SYNDIG1: variants seen among roughly 807,000 people sequenced by gnomAD.
SYNDIG1 encodes the protein synapse differentiation inducing 1.
SYNDIG1 carries 9 observed loss-of-function variants against 19.4 expected under a neutral mutation model. The ratio of observed to expected loss-of-function variants is 0.46; its 90% CI spans 0.28 to 0.81. The LOEUF (loss-of-function observed/expected upper bound fraction) is 0.81, where lower values mean the gene tolerates loss of function less well. Among genes scored for constraint, SYNDIG1 ranks in the 30% least tolerant of loss-of-function variants. The probability of loss-of-function intolerance (pLI) is 0.12; values close to 1 mark genes in which losing one functional copy is unlikely to be tolerated. For missense variants in SYNDIG1, 311 were observed against 343.3 expected, an observed-to-expected ratio of 0.91 and a Z score of 0.74; for synonymous variants, 141 against 145.9, an observed-to-expected ratio of 0.97 and a Z score of 0.24.
chr20:24,555,449 T>C (rs2057794667), intron 2 of SYNDIG1, among the ~76,000 whole-genome samples: 1 of 152,228 alleles, frequency 6.6e-6, no homozygotes, highest in Admixed American at 6.5e-5. Flanking sequence ...TTTAATGCTA[T>C]AAATTTCCCT....
chr20:24,633,883 C>A (rs1180157026), intron 3 of SYNDIG1, among the ~76,000 whole-genome samples: 1 of 152,180 alleles, frequency 6.6e-6, no homozygotes, highest in Non-Finnish European at 1.5e-5. Flanking sequence ...CAGCACGTGA[C>A]ACCCGCACCA....
At chr20:24,526,437 G>A (rs1268388741) in intron 1 of SYNDIG1, among the ~76,000 whole-genome samples, 2 of 152,058 alleles carry the variant, frequency 1.3e-5, no homozygotes, top group South Asian at 2.1e-4. Flanking sequence ...GTATATTTAA[G>A]TATAAAGCTG....
intron 3 of SYNDIG1, among the ~76,000 whole-genome samples, chr20:24,594,700 T>C (rs903580276): frequency 2.0e-5 from 3 of 152,230 alleles, no homozygotes; most frequent in Non-Finnish European, 4.4e-5. Context: ...CTCTGATTTC[T>C]TCGAGCAGCA....
chr20:24,644,787 A>G (rs780886785), intron 3 of SYNDIG1, among the ~76,000 whole-genome samples: 4 of 152,246 alleles, frequency 2.6e-5, no homozygotes, highest in Non-Finnish European at 5.9e-5. Flanking sequence ...AGAATTCATA[A>G]GCACCCAGTG....
At chr20:24,529,092 C>T (rs2057187435) in intron 1 of SYNDIG1, among the ~76,000 whole-genome samples, 1 of 152,138 alleles carries the variant, frequency 6.6e-6, no homozygotes, top group Admixed American at 6.5e-5. Flanking sequence ...GCGTTCAAGG[C>T]TTTCTCTTTC....
intron 3 of SYNDIG1, among the ~76,000 whole-genome samples, chr20:24,637,324 C>T (rs1023438190): frequency 1.3e-5 from 2 of 152,174 alleles, no homozygotes; most frequent in Non-Finnish European, 2.9e-5. Context: ...GATTCCTTCC[C>T]TTCAGAGCTA....
chr20:24,532,324 C>A (rs1008783678), intron 1 of SYNDIG1, among the ~76,000 whole-genome samples: 1 of 152,184 alleles, frequency 6.6e-6, no homozygotes, highest in African/African-American at 2.4e-5. Context: ...GAAGAAATGA[C>A]CTCAAACACA....
At chr20:24,563,368 T>A (rs541708490) in intron 2 of SYNDIG1, among the ~76,000 whole-genome samples, 2 of 152,156 alleles carry the variant, frequency 1.3e-5, no homozygotes, top group African/African-American at 4.8e-5. Flanking sequence ...AAAGTTAGAT[T>A]TGTCTTATCT....
intron 1 of SYNDIG1, among the ~76,000 whole-genome samples, chr20:24,502,696 A>G (rs775874361): frequency 1.3e-5 from 2 of 152,258 alleles, no homozygotes; most frequent in African/African-American, 2.4e-5. Flanking sequence ...TGTTAAGAAC[A>G]TGCTAATTTG....
At chr20:24,575,813 A>T (rs1600664317) in intron 2 of SYNDIG1, among the ~76,000 whole-genome samples, 1 of 152,154 alleles carries the variant, frequency 6.6e-6, no homozygotes. Context: ...ATTATACATT[A>T]ATTTATTTAT....
At chr20:24,548,028 G>T (rs1386817900) in intron 2 of SYNDIG1, among the ~76,000 whole-genome samples, 1 of 152,144 alleles carries the variant, frequency 6.6e-6, no homozygotes, top group Non-Finnish European at 1.5e-5. Context: ...GAAGAAGGGG[G>T]AAGGGAACGC....
intron 2 of SYNDIG1, among the ~76,000 whole-genome samples, chr20:24,546,656 A>G (rs1375818564): frequency 2.0e-5 from 3 of 152,222 alleles, no homozygotes; most frequent in African/African-American, 7.2e-5. Flanking sequence ...CTCATTGACC[A>G]GAGCAGGTCC....
intron 1 of SYNDIG1, among the ~76,000 whole-genome samples, chr20:24,470,535 G>A (rs903503275): frequency 6.6e-6 from 1 of 152,154 alleles, no homozygotes; most frequent in Non-Finnish European, 1.5e-5. Flanking sequence ...TTTGAATCTC[G>A]CTTTTTCCTA....
At chr20:24,603,379 C>T (rs758195056) in intron 3 of SYNDIG1, among the ~76,000 whole-genome samples, 1 of 152,126 alleles carries the variant, frequency 6.6e-6, no homozygotes, top group Non-Finnish European at 1.5e-5. Context: ...GTGCTCCAAG[C>T]TCTGCCATTG....
chr20:24,493,752 G>A (rs1203284385), intron 1 of SYNDIG1, among the ~76,000 whole-genome samples: 1 of 152,188 alleles, frequency 6.6e-6, no homozygotes, highest in Non-Finnish European at 1.5e-5. Flanking sequence ...ACACTGTAGT[G>A]TGAGGAGCTT....
intron 2 of SYNDIG1, among the ~76,000 whole-genome samples, chr20:24,584,044 T>C (rs2058372201): frequency 6.6e-6 from 1 of 152,092 alleles, no homozygotes; most frequent in Admixed American, 6.5e-5. Flanking sequence ...CTTTTTAAAA[T>C]ATAAAATTAA....
At chr20:24,632,550 C>A (rs2059259825) in intron 3 of SYNDIG1, among the ~76,000 whole-genome samples, 1 of 152,116 alleles carries the variant, frequency 6.6e-6, no homozygotes, top group African/African-American at 2.4e-5. Flanking sequence ...AGAGTTCACA[C>A]CTAATTTAAT....
intron 3 of SYNDIG1, among the ~76,000 whole-genome samples, chr20:24,622,634 G>A (rs2059056593): frequency 6.6e-6 from 1 of 152,206 alleles, no homozygotes; most frequent in East Asian, 1.9e-4. Context: ...GATGACCTGA[G>A]ATGGAACAGT....
chr20:24,481,571 G>GCAAGT (rs946791428), intron 1 of SYNDIG1, among the ~76,000 whole-genome samples: 47 of 152,308 alleles, frequency 3.1e-4, no homozygotes, highest in African/African-American at 1.0e-3. Flanking sequence ...CTGATTATAG[G>GCAAGT]CAAGTTTCTA....
Sources: gnomAD v4.1 joint callset for allele counts (sites outside exome capture counted in the v4.1 genomes callset) on GRCh38, gnomAD v4.1.1 for gene constraint, MANE v1.5 for transcripts, NCBI Gene and HGNC (gene_info 2026-07-23, HGNC 2026-07-21) for gene names.